TTC28: variants seen among roughly 807,000 people sequenced by gnomAD.
TTC28 encodes tetratricopeptide repeat protein 28.
TTC28 carries 61 observed loss-of-function variants against 198.0 expected under a neutral mutation model. That is an observed-to-expected ratio of 0.31 (90% CI 0.25 to 0.38). TTC28 has a LOEUF of 0.38. Among genes scored for constraint, TTC28 ranks in the 10% least tolerant of loss-of-function variants. TTC28 has a pLI of 1.00. For missense variants in TTC28, 2,678 were observed against 3,164.0 expected (o/e 0.85, Z 3.69); for synonymous variants, 1,171 against 1,297.8 (o/e 0.90, Z 2.10).
chr22:28,193,906 C>T (rs944207145), intron 5 of TTC28, among the ~76,000 whole-genome samples: 6 of 152,048 alleles, frequency 3.9e-5, no homozygotes, highest in Non-Finnish European at 7.4e-5. Context: ...AGGATTTCCA[C>T]GACTTGAACT....
At chr22:28,184,550 AAG>A (rs1924009859) in intron 5 of TTC28, among the ~76,000 whole-genome samples, 1 of 152,146 alleles carries the variant, frequency 6.6e-6, no homozygotes, top group South Asian at 2.1e-4. Context: ...ATTTTTAATT[AAG>A]ATCCTAAGTT....
chr22:28,227,172 A>T (rs1020920230), intron 5 of TTC28, among the ~76,000 whole-genome samples: 2 of 152,160 alleles, frequency 1.3e-5, no homozygotes, highest in Non-Finnish European at 2.9e-5. Flanking sequence ...GCCTCAAGTG[A>T]TCCTCTGACC....
Position 28,672,802 on chromosome 22 carries a change from T to C in TTC28, c.102+6820A>G, listed in dbSNP as rs561160718. Among the ~76,000 whole-genome samples the C allele has an allele frequency of 1.2e-4, 19 of 152,336 alleles. No homozygotes were observed. In the East Asian group the frequency reaches 3.7e-3, roughly 29 times the overall value. ...GGGCAAGTAGGTGTTGTAGTATGGC[T>C]GTAATTGGCCTCACTGTGACCACTA... is the stretch of plus-strand genomic sequence containing the variant. On this transcript the variant is annotated intron_variant, in intron 1 of 22. Transcript: ENST00000397906.
intron 12 of TTC28, among the ~76,000 whole-genome samples, chr22:28,070,582 G>A (rs1940927806): frequency 1.3e-5 from 2 of 152,132 alleles, no homozygotes; most frequent in South Asian, 2.1e-4. Flanking sequence ...AGGAGTTTGA[G>A]ACCAGCCTGG....
intron 2 of TTC28, among the ~76,000 whole-genome samples, chr22:28,591,910 A>G (rs1453147132): frequency 6.6e-6 from 1 of 152,202 alleles, no homozygotes; most frequent in Non-Finnish European, 1.5e-5. Context: ...TGTAAACAAC[A>G]TAGCTGAAAA....
chr22:28,387,894 G>A lies in TTC28; in HGVS notation c.382-81251C>T, dbSNP rs368909261. Among the ~76,000 whole-genome samples, 3 of 152,298 alleles carry A rather than the reference G, an allele frequency of 2.0e-5. No individual in the cohort carries two copies. In the South Asian group the frequency reaches 6.2e-4, roughly 32 times the overall value. ...TTGGCTTTGGTTGCCATTGCTTTTG[G>A]TGTTTTAGACACGAAGTCCTTACCC... is the stretch of plus-strand genomic sequence containing the variant. On this transcript the variant is annotated intron_variant, in intron 2 of 22. Coordinates refer to ENST00000397906, the MANE Select transcript of TTC28 (RefSeq NM_001145418.2).
At chr22:28,209,885 C>A (rs1926765454) in intron 5 of TTC28, among the ~76,000 whole-genome samples, 1 of 152,152 alleles carries the variant, frequency 6.6e-6, no homozygotes, top group Admixed American at 6.5e-5. Flanking sequence ...GAGACACCTC[C>A]CAGTAGGGGC....
chr22:28,413,294 T>C (rs134552), intron 2 of TTC28, among the ~76,000 whole-genome samples: 149,334 of 152,098 alleles, frequency 0.98, 73,312 homozygotes, highest in East Asian at 0.99. Flanking sequence ...AAAAATTAGC[T>C]GGGCGTGGTG....
At chr22:28,305,076 C>T (rs1479298220) in intron 3 of TTC28, among the ~76,000 whole-genome samples, 2 of 152,038 alleles carry the variant, frequency 1.3e-5, no homozygotes, top group African/African-American at 2.4e-5. Flanking sequence ...GCGACCTCCC[C>T]GCCTCCCAGG....
At chr22:28,341,754 C>T (rs1299750589) in intron 2 of TTC28, among the ~76,000 whole-genome samples, 1 of 151,978 alleles carries the variant, frequency 6.6e-6, no homozygotes, top group Non-Finnish European at 1.5e-5. Context: ...TGTGCCACTG[C>T]ACTCCAGCCT....
At chr22:28,465,560 G>T (rs2048006759) in intron 2 of TTC28, among the ~76,000 whole-genome samples, 1 of 151,818 alleles carries the variant, frequency 6.6e-6, no homozygotes, top group African/African-American at 2.4e-5. Flanking sequence ...GGGAGTGGAA[G>T]TTGCAGTGAG....
chr22:28,370,309 G>A (rs1284473690), intron 2 of TTC28, among the ~76,000 whole-genome samples: 1 of 152,108 alleles, frequency 6.6e-6, no homozygotes, highest in Non-Finnish European at 1.5e-5. Context: ...AGAGAAGGTG[G>A]TAACTGCTTC....
At chr22:28,031,600 C>A (rs567791752) in intron 12 of TTC28, among the ~76,000 whole-genome samples, 1 of 152,176 alleles carries the variant, frequency 6.6e-6, no homozygotes, top group African/African-American at 2.4e-5. Flanking sequence ...GCCAAGCTGG[C>A]GACACCTGTG....
intron 2 of TTC28, among the ~76,000 whole-genome samples, chr22:28,394,489 C>A (rs2046784112): frequency 6.6e-6 from 1 of 152,198 alleles, no homozygotes; most frequent in African/African-American, 2.4e-5. Flanking sequence ...GAGTACTTCC[C>A]TGCTAAGGTT....
At chr22:28,544,714 A>G (rs1236487133) in intron 2 of TTC28, among the ~76,000 whole-genome samples, 1 of 152,190 alleles carries the variant, frequency 6.6e-6, no homozygotes, top group Non-Finnish European at 1.5e-5. Flanking sequence ...TGGCCCCAAA[A>G]GTGACCTCTG....
chr22:28,388,212 T>A (rs561199322), intron 2 of TTC28, among the ~76,000 whole-genome samples: 2 of 152,338 alleles, frequency 1.3e-5, no homozygotes, highest in Admixed American at 1.3e-4. Context: ...ATATCTCTGT[T>A]TTGGTACCAG....
intron 2 of TTC28, among the ~76,000 whole-genome samples, chr22:28,583,938 A>C (rs963244403): frequency 2.6e-5 from 4 of 151,756 alleles, no homozygotes; most frequent in South Asian, 2.1e-4. Context: ...ATTCTTATAA[A>C]TATATTCTAA....
chr22:27,987,379 A>G (rs1937247601), intron 21 of TTC28, among the ~76,000 whole-genome samples: 1 of 152,168 alleles, frequency 6.6e-6, no homozygotes, highest in Non-Finnish European at 1.5e-5. Context: ...GCCTGGCTCC[A>G]CCACCCCCAC....
chr22:28,453,812 A>T (rs1199939278), intron 2 of TTC28, among the ~76,000 whole-genome samples: 3 of 152,136 alleles, frequency 2.0e-5, no homozygotes, highest in African/African-American at 7.2e-5. Flanking sequence ...AGCCAGAATG[A>T]TCTTTCTATA....
Sources: allele counts gnomAD v4.1 joint callset (sites outside exome capture counted in the v4.1 genomes callset), GRCh38; gene constraint gnomAD v4.1.1; transcripts MANE v1.5; gene names NCBI Gene and HGNC (gene_info 2026-07-23, HGNC 2026-07-21).